LNPEP: variants seen among roughly 807,000 people sequenced by gnomAD.
LNPEP encodes leucyl-cystinyl aminopeptidase.
LNPEP carries 64 observed loss-of-function variants against 120.6 expected under a neutral mutation model. The ratio of observed to expected loss-of-function variants is 0.53; its 90% CI spans 0.43 to 0.65. LNPEP has a LOEUF of 0.65. LNPEP is among the 30% of genes least tolerant of loss of function. The pLI is 0.00. For synonymous variants in LNPEP, 435 were observed against 425.4 expected, an observed-to-expected ratio of 1.02 and a Z score of -0.28; for missense variants, 1,057 against 1,200.0, an observed-to-expected ratio of 0.88 and a Z score of 1.76.
rs1791467580 is a variant in LNPEP at position 97,031,440 on chromosome 5, T to C, written c.*2907T>C. The C allele has an allele frequency of 6.6e-6, 1 of 152,206 alleles. No homozygotes were observed. The highest frequency in any genetic ancestry group is 2.4e-5 in the African/African-American group (1 of 41,440). The allele number at this position is 152,206 out of a possible 1,614,324, so 9.4% of individuals were successfully genotyped here. On this transcript the variant is annotated 3_prime_UTR_variant, in exon 18 of 18. Transcript: ENST00000231368. ...CTTTCTTACTATCACAGGTTCTACT[T>C]TAATTTTCCTTGCCATATGTGTTTC...
At chr5:96,943,078 A>G (rs535360589) in intron 1 of LNPEP, 11 of 303,556 alleles carry the variant, frequency 3.6e-5, no homozygotes, top group African/African-American at 2.2e-4. Context: ...TCCAGATGAG[A>G]ATCCATAAGT....
At chr5:97,023,754 T>A (rs1791270865) in intron 14 of LNPEP, among the ~76,000 whole-genome samples, 1 of 152,130 alleles carries the variant, frequency 6.6e-6, no homozygotes, top group South Asian at 2.1e-4. Flanking sequence ...CTGGAAGTAG[T>A]ATTGCTGGAT....
intron 13 of LNPEP, among the ~76,000 whole-genome samples, chr5:97,016,803 A>G (rs1791078143): frequency 6.6e-6 from 1 of 152,150 alleles, no homozygotes; most frequent in Admixed American, 6.6e-5. Flanking sequence ...GAAGTATGCA[A>G]ATAGCTTACT....
At chr5:97,022,048 C>T (rs537082403) in intron 13 of LNPEP, among the ~76,000 whole-genome samples, 9 of 148,022 alleles carry the variant, frequency 6.1e-5, no homozygotes, top group African/African-American at 2.2e-4. Context: ...TCTCCTGCCT[C>T]AGCCTCCTGA....
At chr5:96,969,730 G>T (rs1246722515) in intron 1 of LNPEP, among the ~76,000 whole-genome samples, 1 of 150,508 alleles carries the variant, frequency 6.6e-6, no homozygotes, top group East Asian at 1.9e-4. Flanking sequence ...CTATTTTGTT[G>T]ATTTTTGCCC....
intron 2 of LNPEP, 94 bp from the exon 3 acceptor site, chr5:96,984,986 T>G: frequency 7.4e-7 from 1 of 1,343,742 alleles, no homozygotes; most frequent in Non-Finnish European, 1.0e-6. Context: ...CTTTAGTAAC[T>G]AGGATTGTAA....
chr5:96,989,345 AATATATT>A (rs1210714949), intron 4 of LNPEP, among the ~76,000 whole-genome samples: 10 of 22,166 alleles, frequency 4.5e-4, no homozygotes, highest in East Asian at 3.9e-3. Context: ...TATAATATAT[AATATATT>A]ATATATTATA....
In LNPEP at chr5:97,024,488, T is replaced by C. The variant is rs774761296; in HGVS notation, c.2562-33T>C. 5.0e-6 allele frequency: 8 copies of C among 1,597,802 alleles called. No homozygotes were observed. In the African/African-American group the frequency reaches 8.1e-5, roughly 16 times the overall value. On this transcript the variant is annotated intron_variant, in intron 14 of 17. Coordinates refer to ENST00000231368, the MANE Select transcript of LNPEP (RefSeq NM_005575.3). ...CGCCTTTGTATTCAGAATATTTTCTTGTTATTCTCATGTTTGACCACCTCT... is the reference window on the plus strand; with the variant it reads ...CGCCTTTGTATTCAGAATATTTTCTCGTTATTCTCATGTTTGACCACCTCT...
chr5:97,003,623 G>A lies in LNPEP; in HGVS notation c.1785+77G>A, dbSNP rs535057675. The stretch of plus-strand genomic sequence containing the variant: ...CGTCTATTTATACTTTTTAGCATGT[G>A]TGTAAGTTAATCTGTGGTACAAAGC... On this transcript the variant is annotated intron_variant, in intron 9 of 17. Coordinates refer to ENST00000231368, the MANE Select transcript of LNPEP (RefSeq NM_005575.3). The A allele has an allele frequency of 2.6e-4, 264 of 1,023,930 alleles. 1 individual carries two copies. Among genetic ancestry groups the A allele is most frequent in the Non-Finnish European group, 3.3e-4 (237 of 719,642 alleles). The allele number at this position is 1,023,930 out of a possible 1,614,324, so 63.4% of individuals were successfully genotyped here. A position where few individuals can be genotyped will look rare whatever the true frequency, so the allele number is the denominator to read the frequency against.
In LNPEP at chr5:96,996,494, G is replaced by A; in HGVS notation, c.1512G>A (p.Glu504=). The change falls in exon 7 of 18, where the codon GAG becomes GAA. Residue 504 remains glutamate (E), a synonymous_variant. Transcript: ENST00000231368. ...TCTCTTTGGAAAAAATATTCAAAGA[G>A]CTTTCTAGTGTAAGTACAGGGTTTC... is the stretch of plus-strand genomic sequence containing the variant. The part of the protein sequence containing the change: ...EYFSLEKIFK[E]LSSYEDFLDA... The A allele has an allele frequency of 1.9e-6, 3 of 1,553,052 alleles. No individual in the cohort carries two copies. Among genetic ancestry groups the A allele is most frequent in the Non-Finnish European group, 2.7e-6 (3 of 1,125,558 alleles).
chr5:96,992,095 A>G (rs915875502), intron 4 of LNPEP, among the ~76,000 whole-genome samples: 1 of 152,260 alleles, frequency 6.6e-6, no homozygotes, highest in Non-Finnish European at 1.5e-5. Flanking sequence ...TTGCCTTTTG[A>G]TACTTCCTGA....
At chr5:97,012,657 A>G (rs184774703) in intron 11 of LNPEP, among the ~76,000 whole-genome samples, 35 of 152,320 alleles carry the variant, frequency 2.3e-4, no homozygotes, top group Admixed American at 2.2e-3. Flanking sequence ...AATTAAGTCT[A>G]CATCCTTGTT....
rs1277408477 is a variant in LNPEP, at chr5:97,022,436, C to T, written c.2513C>T (p.Thr838Ile). ...CACAACCTGGGGAACTGCTCTACTA[C>T]TGCCATGAAACTGTTTGATGACTGG... ...CTHNLGNCST[T>I]AMKLFDDWMA... Residue 838 changes from threonine to isoleucine, a missense_variant, in exon 14 of 18, where the codon ACT (threonine) becomes ATT (isoleucine). Coordinates refer to ENST00000231368, the MANE Select transcript of LNPEP (RefSeq NM_005575.3). 8 of 1,614,070 alleles carry T rather than the reference C, an allele frequency of 5.0e-6. No individual in the cohort carries two copies. Among genetic ancestry groups the T allele is most frequent in the Non-Finnish European group, 6.8e-6 (8 of 1,179,968 alleles).
chr5:96,968,944 T>A (rs2112591421), intron 1 of LNPEP, among the ~76,000 whole-genome samples: 1 of 152,202 alleles, frequency 6.6e-6, no homozygotes, highest in South Asian at 2.1e-4. Flanking sequence ...TTTGTTTATA[T>A]ACAGGGCCAC....
At chr5:96,946,057 T>C (rs891198636) in intron 1 of LNPEP, among the ~76,000 whole-genome samples, 1 of 152,220 alleles carries the variant, frequency 6.6e-6, no homozygotes, top group African/African-American at 2.4e-5. Context: ...GCCATGACAC[T>C]TGAGTCTTGG....
chr5:96,983,516 G>A (rs1790173567), intron 2 of LNPEP, among the ~76,000 whole-genome samples: 1 of 152,088 alleles, frequency 6.6e-6, no homozygotes. Context: ...TGCAATCTTG[G>A]CTGACTGCAG....
intron 10 of LNPEP, 40 bp from the exon 11 acceptor site, chr5:97,006,387 A>AT: frequency 1.5e-6 from 2 of 1,325,008 alleles, no homozygotes; most frequent in South Asian, 2.6e-5. Flanking sequence ...AAAAAAAAAA[A>AT]ATCATATGTA....
chr5:97,021,286 T>C (rs555833356), intron 13 of LNPEP, among the ~76,000 whole-genome samples: 5 of 152,320 alleles, frequency 3.3e-5, no homozygotes, highest in Admixed American at 6.5e-5. Flanking sequence ...ATGAAGCAAG[T>C]GTCAGAGTGT....
intron 12 of LNPEP, among the ~76,000 whole-genome samples, chr5:97,014,433 C>G (rs977636577): frequency 2.6e-5 from 4 of 152,068 alleles, no homozygotes; most frequent in African/African-American, 9.7e-5. Flanking sequence ...TTACGTCATC[C>G]TAGCCATTGC....
Sources: gnomAD v4.1 joint callset for allele counts (sites outside exome capture counted in the v4.1 genomes callset) on GRCh38, gnomAD v4.1.1 for gene constraint, MANE v1.5 for transcripts, NCBI Gene and HGNC (gene_info 2026-07-23, HGNC 2026-07-21) for gene names.